The following CWC27 variants were observed in gnomAD, a reference collection of about 807,000 sequenced individuals.
CWC27 encodes spliceosome-associated protein CWC27 homolog.
In CWC27, 47 loss-of-function variants were observed where a neutral mutation model predicts 63.6. The observed-to-expected ratio is 0.74, with a 90% CI of 0.58 to 0.94. The LOEUF is 0.94. Ranked by LOEUF, CWC27 falls within the 40% of genes least tolerant of loss-of-function variation. The pLI is 0.00. For synonymous variants in CWC27, 175 were observed against 179.8 expected (o/e 0.97, Z 0.22); for missense variants, 495 against 554.3 (o/e 0.89, Z 1.07).
At chr5:65,003,047 T>C (rs1328724602) in intron 13 of CWC27, among the ~76,000 whole-genome samples, 1 of 152,242 alleles carries the variant, frequency 6.6e-6, no homozygotes, top group East Asian at 1.9e-4. Context: ...ATGACCTTTG[T>C]TGTCTCTTAC....
chr5:64,885,668 C>T lies in CWC27; in HGVS notation c.1042+122C>T, dbSNP rs1303997459. 10 of 712,774 alleles carry T rather than the reference C, an allele frequency of 1.4e-5. No homozygotes were observed. In the African/African-American group the frequency reaches 1.8e-4, roughly 13 times the overall value. 44.2% of individuals were successfully genotyped at this position (712,774 alleles called of 1,614,324 possible). A position where few individuals can be genotyped will look rare whatever the true frequency, so the allele number is the denominator to read the frequency against. On this transcript the variant is annotated intron_variant, in intron 11 of 13. Coordinates refer to ENST00000381070, the MANE Select transcript of CWC27 (RefSeq NM_005869.4). ...TCTCCTTTCCTTCTCATTTTTTCTT[C>T]CCTCTTTCTTTCCCTCCCTCTTGAG...
At chr5:64,780,691 ACACGCGCG>A (rs1426409678) in intron 2 of CWC27, among the ~76,000 whole-genome samples, 1 of 44,430 alleles carries the variant, frequency 2.3e-5, no homozygotes, top group Non-Finnish European at 6.5e-5. Context: ...ACACACGCGC[ACACGCGCG>A]CACACACACA....
chr5:64,807,750 T>C (rs960106984), intron 10 of CWC27: 2 of 1,535,988 alleles, frequency 1.3e-6, no homozygotes, highest in African/African-American at 1.4e-5. Flanking sequence ...CAATGTTTAC[T>C]TCACACTTCA....
intron 13 of CWC27, among the ~76,000 whole-genome samples, chr5:64,999,655 A>C (rs941496037): frequency 1.3e-5 from 2 of 152,082 alleles, no homozygotes; most frequent in Non-Finnish European, 2.9e-5. Flanking sequence ...TGTTGCTAAA[A>C]ATGACAGGAT....
chr5:64,816,598 C>T (rs1275500772), intron 10 of CWC27, among the ~76,000 whole-genome samples: 1 of 152,122 alleles, frequency 6.6e-6, no homozygotes, highest in African/African-American at 2.4e-5. Flanking sequence ...AGCATGCGTC[C>T]TTGAAGACTT....
At chr5:64,921,883 C>G (rs1748005897) in intron 11 of CWC27, among the ~76,000 whole-genome samples, 2 of 152,172 alleles carry the variant, frequency 1.3e-5, no homozygotes, top group South Asian at 4.1e-4. Context: ...ATTTGCTTGT[C>G]TGAAAAGGAT....
chr5:64,779,084 A>T lies in CWC27; in HGVS notation c.140-2837A>T, dbSNP rs185259252. On this transcript the variant is annotated intron_variant, in intron 2 of 13. Transcript: ENST00000381070. ...TGTATCAGTAAAATGCCTGGCCCACAGTAGATACTTGATAAATATTTTTCA... is the reference window on the plus strand; with the variant it reads ...TGTATCAGTAAAATGCCTGGCCCACTGTAGATACTTGATAAATATTTTTCA... Among the ~76,000 whole-genome samples the T allele has an allele frequency of 3.3e-5, 5 of 152,346 alleles. No individual in the cohort carries two copies. In the East Asian group the frequency reaches 9.6e-4, roughly 29 times the overall value.
chr5:64,788,054 A>C (rs1358482748), intron 6 of CWC27, among the ~76,000 whole-genome samples: 3 of 152,150 alleles, frequency 2.0e-5, no homozygotes, highest in African/African-American at 7.2e-5. Context: ...CAGACACTTT[A>C]ATAAGCAGTT....
intron 8 of CWC27, 122 bp from the exon 9 acceptor site, chr5:64,801,180 C>G (rs1037984198): frequency 7.4e-5 from 67 of 909,906 alleles, no homozygotes; most frequent in Non-Finnish European, 8.9e-5. Context: ...TCTTAAATTC[C>G]TATGTTGAAA....
chr5:64,880,862 T>TTC (rs1283657337), intron 10 of CWC27, among the ~76,000 whole-genome samples: 28 of 150,364 alleles, frequency 1.9e-4, no homozygotes, highest in African/African-American at 6.1e-4. Context: ...CCATTTTTTT[T>TTC]TTTTTTTTTT....
chr5:64,831,475 G>GAGAGAGAT (rs1554071299), intron 10 of CWC27, among the ~76,000 whole-genome samples: 1 of 148,208 alleles, frequency 6.7e-6, no homozygotes. Flanking sequence ...TTATTTATTT[G>GAGAGAGAT]AGATAGATAG....
chr5:64,795,225 T>G (rs1744225938), intron 7 of CWC27, among the ~76,000 whole-genome samples: 1 of 152,190 alleles, frequency 6.6e-6, no homozygotes, highest in Admixed American at 6.6e-5. Context: ...AGGTCAGAAA[T>G]GTTAAACAGT....
At chr5:65,004,889 T>C (rs1359748426) in intron 13 of CWC27, among the ~76,000 whole-genome samples, 2 of 54,382 alleles carry the variant, frequency 3.7e-5, no homozygotes, top group South Asian at 7.3e-4. Context: ...TATATATATA[T>C]ATATATATAT....
chr5:65,002,952 A>T lies in CWC27; in HGVS notation c.1257-15207A>T, dbSNP rs184751940. Among the ~76,000 whole-genome samples, 329 of 152,198 alleles carry T rather than the reference A, an allele frequency of 2.2e-3. 1 individual carries two copies. The highest frequency in any genetic ancestry group is 3.6e-3 in the Non-Finnish European group (242 of 67,998). On this transcript the variant is annotated intron_variant, in intron 13 of 13. Coordinates refer to ENST00000381070, the MANE Select transcript of CWC27 (RefSeq NM_005869.4). ...CTTTAGATCTAATAATACTTGCTTT[A>T]TATGTCTGGGTGCTCGAATGTTGGG...
chr5:64,832,209 T>C (rs1229134607), intron 10 of CWC27, among the ~76,000 whole-genome samples: 1 of 151,942 alleles, frequency 6.6e-6, no homozygotes, highest in Non-Finnish European at 1.5e-5. Flanking sequence ...TGGAAAGCAT[T>C]GATCCATCAA....
chr5:64,879,790 C>CAA (rs36078879), intron 10 of CWC27, among the ~76,000 whole-genome samples: 4,489 of 136,446 alleles, frequency 0.033, 238 homozygotes, highest in African/African-American at 0.11. Flanking sequence ...AAATCGGTTG[C>CAA]AAAAAAAAAA....
intron 11 of CWC27, among the ~76,000 whole-genome samples, chr5:64,903,235 T>C (rs182831094): frequency 2.0e-5 from 3 of 152,312 alleles, no homozygotes; most frequent in East Asian, 3.9e-4. Flanking sequence ...CGTATGTTTA[T>C]TGCAGCACTA....
intron 11 of CWC27, among the ~76,000 whole-genome samples, chr5:64,934,966 T>C (rs1384667884): frequency 2.0e-5 from 3 of 152,234 alleles, no homozygotes; most frequent in African/African-American, 4.8e-5. Flanking sequence ...TTTTTTCTTG[T>C]AGATTTATTT....
chr5:64,916,891 G>GTAT (rs1561155675), intron 11 of CWC27, among the ~76,000 whole-genome samples: 4 of 128,478 alleles, frequency 3.1e-5, no homozygotes, highest in African/African-American at 1.7e-4. Flanking sequence ...AGTATTAGTA[G>GTAT]TAGTAGTAGT....
Sources: allele counts gnomAD v4.1 joint callset (sites outside exome capture counted in the v4.1 genomes callset), GRCh38; gene constraint gnomAD v4.1.1; transcripts MANE v1.5; gene names NCBI Gene and HGNC (gene_info 2026-07-23, HGNC 2026-07-21).